TACR2: variants seen among roughly 807,000 people sequenced by gnomAD.
TACR2 encodes tachykinin receptor 2, also known as substance-K receptor.
A neutral mutation model predicts 28.9 loss-of-function variants in TACR2; 24 were observed. That is an observed-to-expected ratio of 0.83 (90% confidence interval 0.60 to 1.17). The LOEUF is 1.17. Among genes scored for constraint, TACR2 ranks in the 50% most tolerant of loss-of-function variants. The pLI, the probability that TACR2 is intolerant of heterozygous loss-of-function variation, is 0.00. For missense variants in TACR2, 487 were observed against 524.4 expected, an observed-to-expected ratio of 0.93 and a Z score of 0.70; for synonymous variants, 222 against 212.6, an observed-to-expected ratio of 1.04 and a Z score of -0.38.
At chr10:69,408,744 G>C (rs1840528104) in intron 3 of TACR2, among the ~76,000 whole-genome samples, 178 bp downstream of exon 3, 1 of 152,060 alleles carries the variant, frequency 6.6e-6, no homozygotes, top group Admixed American at 6.5e-5. Flanking sequence ...TTGCGGACCG[G>C]CCTTGAGACC....
At chr10:69,415,878 T>G in intron 1 of TACR2, 54 bp downstream of exon 1, 1 of 1,584,438 alleles carries the variant, frequency 6.3e-7, no homozygotes, top group Non-Finnish European at 8.6e-7. Context: ...CACCCTTATC[T>G]GAGCCCCGGC....
chr10:69,415,176 C>A, intron 1 of TACR2, 37 bp from the exon 2 acceptor site: 1 of 1,583,784 alleles, frequency 6.3e-7, no homozygotes, highest in South Asian at 1.1e-5. Context: ...CAGGGGCCCT[C>A]CTGTTAGCCC....
chr10:69,410,656 C>G (rs1043985188), intron 2 of TACR2, among the ~76,000 whole-genome samples: 4 of 152,012 alleles, frequency 2.6e-5, no homozygotes, highest in Non-Finnish European at 4.4e-5. Flanking sequence ...CCTGTGGAGA[C>G]AAAAGTGACT....
intron 2 of TACR2, 119 bp from the exon 3 acceptor site, chr10:69,409,194 G>C (rs1475921292): frequency 9.0e-7 from 1 of 1,107,672 alleles, no homozygotes; most frequent in East Asian, 3.2e-5. Context: ...CCCACCCTGG[G>C]CGCCTCCCAG....
At chr10:69,412,083 G>A (rs1012325068) in intron 2 of TACR2, among the ~76,000 whole-genome samples, 2 of 152,190 alleles carry the variant, frequency 1.3e-5, no homozygotes, top group Non-Finnish European at 2.9e-5. Context: ...GCCTCCCAAA[G>A]TGCTGGGATT....
intron 1 of TACR2, among the ~76,000 whole-genome samples, chr10:69,415,616 C>A (rs1000123551): frequency 6.6e-5 from 10 of 151,996 alleles, no homozygotes; most frequent in African/African-American, 2.4e-4. Context: ...ATAAAGACAA[C>A]AAAACAAAGA....
chr10:69,409,108 G>T (rs369907380), intron 2 of TACR2, 33 bp from the exon 3 acceptor site: 52 of 1,520,004 alleles, frequency 3.4e-5, no homozygotes, highest in Non-Finnish European at 4.6e-5. Context: ...GGCAGCGGAG[G>T]GCCCGGGGGC....
intron 2 of TACR2, among the ~76,000 whole-genome samples, chr10:69,413,113 G>T (rs1321096663): frequency 6.6e-6 from 1 of 151,950 alleles, no homozygotes; most frequent in Non-Finnish European, 1.5e-5. Flanking sequence ...TTTGTATTTT[G>T]ATTTTGGGGG....
chr10:69,407,415 G>T (rs1287652002), intron 3 of TACR2, 135 bp from the exon 4 acceptor site: 2 of 853,598 alleles, frequency 2.3e-6, no homozygotes, highest in African/African-American at 3.5e-5. Context: ...CTATTACTCA[G>T]GCCTCTGAGC....
In TACR2 at chr10:69,416,069, G is replaced by A. The variant is rs771580013; in HGVS notation, c.255C>T (p.Phe85=). Residue 85 remains phenylalanine (F), a synonymous_variant, in exon 1 of 5, where the codon TTC becomes TTT. Coordinates refer to ENST00000373306, the MANE Select transcript of TACR2 (RefSeq NM_001057.3). Reference sequence around the variant, plus strand: ...CATAGACAAAGTTGAAGGCGGCATTGAAGGCAGCCATGCAGAGGTCAGCCA... The same window carrying A: ...CATAGACAAAGTTGAAGGCGGCATTAAAGGCAGCCATGCAGAGGTCAGCCA... ...LALADLCMAA[F]NAAFNFVYAS... is the part of the protein sequence containing the mutation. The A allele has an allele frequency of 5.0e-6, 8 of 1,614,088 alleles. No homozygotes were observed. The highest frequency in any genetic ancestry group is 2.2e-5 in the East Asian group (1 of 44,896).
rs1169122047 is a variant in TACR2 at position 69,416,335 on chromosome 10, G to A, written c.-12C>T. On this transcript the variant is annotated 5_prime_UTR_variant, in exon 1 of 5. Transcript: ENST00000373306. ...TCACAGGTCCCCATGGCTGCTTCTG[G>A]GTCTGGAACAAAGGACCTGGCTCCT... 1 of 1,569,040 alleles carries A rather than the reference G, an allele frequency of 6.4e-7. No individual in the cohort carries two copies. The highest frequency in any genetic ancestry group is 8.7e-7 in the Non-Finnish European group (1 of 1,154,426).
chr10:69,413,678 A>G (rs1327511880), intron 2 of TACR2, among the ~76,000 whole-genome samples: 1 of 152,150 alleles, frequency 6.6e-6, no homozygotes, highest in Admixed American at 6.5e-5. Context: ...GGTGCTCAGG[A>G]CAGATGGAGA....
chr10:69,415,376 C>A (rs7077167), intron 1 of TACR2, among the ~76,000 whole-genome samples: 38,553 of 152,116 alleles, frequency 0.25, 5,538 homozygotes, highest in African/African-American at 0.37. Context: ...CCCACCATTT[C>A]CCTCTGGGCA....
At chr10:69,415,542 C>A (rs563914011) in intron 1 of TACR2, among the ~76,000 whole-genome samples, 21 of 152,016 alleles carry the variant, frequency 1.4e-4, no homozygotes, top group African/African-American at 4.1e-4. Flanking sequence ...TTAACATTTT[C>A]CCCTCGTGTA....
At chr10:69,407,403 C>A in intron 3 of TACR2, 123 bp from the exon 4 acceptor site, 1 of 925,402 alleles carries the variant, frequency 1.1e-6, no homozygotes, top group Admixed American at 3.0e-5. Context: ...ACCCCGTTAG[C>A]TCTATTACTC....
At chr10:69,409,890 C>CATATATATATATATACATATATACATAT in intron 2 of TACR2, among the ~76,000 whole-genome samples, 2 of 35,352 alleles carry the variant, frequency 5.7e-5, no homozygotes, top group East Asian at 1.6e-3. Flanking sequence ...TACATATATA[C>CATATATATATATATACATATATACATAT]ATATATATAT....
chr10:69,414,974 G>C lies in TACR2; in HGVS notation c.558C>G (p.Pro186=), dbSNP rs964555719. 3 of 1,612,878 alleles carry C rather than the reference G, an allele frequency of 1.9e-6. No individual in the cohort carries two copies. Among genetic ancestry groups the C allele is most frequent in the East Asian group, 2.2e-5 (1 of 44,842 alleles). ...QGATKCVVAW[P]EDSGGKTLLL... ...GGAGCGTCTTGCCCCCGCTGTCTTC[G>C]GGCCAGGCCACCACGCACTTGGTGG... is the stretch of plus-strand genomic sequence containing the variant. The change falls in exon 2 of 5, where the codon CCC becomes CCG. Residue 186 remains proline, a synonymous_variant. Coordinates refer to ENST00000373306, the MANE Select transcript of TACR2 (RefSeq NM_001057.3).
At chr10:69,405,438 T>C (rs1219868268) in intron 4 of TACR2, among the ~76,000 whole-genome samples, 2 of 152,182 alleles carry the variant, frequency 1.3e-5, no homozygotes, top group Admixed American at 1.3e-4. Context: ...GTTAACTGGC[T>C]TCTAAGGGAT....
intron 2 of TACR2, among the ~76,000 whole-genome samples, chr10:69,414,576 G>A (rs983163125): frequency 6.6e-6 from 1 of 151,594 alleles, no homozygotes; most frequent in African/African-American, 2.4e-5. Flanking sequence ...TCCATAGCTG[G>A]ATTCAAATGA....
Sources: gnomAD v4.1 joint callset for allele counts (sites outside exome capture counted in the v4.1 genomes callset) on GRCh38, gnomAD v4.1.1 for gene constraint, MANE v1.5 for transcripts, NCBI Gene and HGNC (gene_info 2026-07-23, HGNC 2026-07-21) for gene names.